The following GPR161 variants were observed in gnomAD, a reference collection of about 807,000 sequenced individuals.
GPR161 encodes the protein G-protein coupled receptor RE2.
GPR161 carries 25 observed loss-of-function variants against 39.2 expected under a neutral mutation model. The observed-to-expected ratio is 0.64, with a 90% CI of 0.47 to 0.89. The LOEUF is 0.89. Among genes scored for constraint, GPR161 ranks in the 40% least tolerant of loss-of-function variants. The pLI is 0.00. For synonymous variants in GPR161, 286 were observed against 276.6 expected (o/e 1.03, Z -0.34); for missense variants, 547 against 677.8 (o/e 0.81, Z 2.14).
At position 168,096,636 on chromosome 1, in the gene GPR161, T is replaced by C. The variant is rs1695570881; in HGVS notation, c.971A>G (p.Tyr324Cys). The C allele has an allele frequency of 6.2e-7, 1 of 1,614,124 alleles. No homozygotes were observed. Among genetic ancestry groups the C allele is most frequent in the Non-Finnish European group, 8.5e-7 (1 of 1,180,016 alleles). ...FASAVCHPLIYGLWNKTVRKE... is the reference protein window; with the variant it reads ...FASAVCHPLICGLWNKTVRKE... ...GCGAACTGTCTTGTTCCAGAGTCCATAGATCAGGGGGTGGCAGACAGCGCT... is the reference window on the plus strand; with the variant it reads ...GCGAACTGTCTTGTTCCAGAGTCCACAGATCAGGGGGTGGCAGACAGCGCT... The change falls in exon 3 of 6, where the codon TAT becomes TGT. Residue 324 changes from tyrosine to cysteine, a missense_variant. Transcript: ENST00000682931.
chr1:168,085,633 C>A lies in GPR161; in HGVS notation c.1488G>T (p.Gly496=). ...GVLVTARTVP[G]GGFGGRRGSR... is the part of the protein sequence containing the mutation. ...TGCCTCGGCGGCCCCCGAAGCCGCC[C>A]CCCGGGACAGTCCGTGCTGTAACCA... Residue 496 remains glycine, a synonymous_variant, in exon 6 of 6, where the codon GGG becomes GGT. Transcript: ENST00000682931. The A allele has an allele frequency of 3.1e-6, 5 of 1,614,110 alleles. No homozygotes were observed. Among genetic ancestry groups the A allele is most frequent in the Non-Finnish European group, 4.2e-6 (5 of 1,179,988 alleles).
chr1:168,097,441 C>A (rs1366844766), intron 2 of GPR161, among the ~76,000 whole-genome samples: 1 of 152,136 alleles, frequency 6.6e-6, no homozygotes, highest in Admixed American at 6.6e-5. Flanking sequence ...ACTGGCAAGA[C>A]ACAGAGCTCG....
chr1:168,092,195 A>G (rs1695130391), intron 3 of GPR161, among the ~76,000 whole-genome samples: 1 of 152,162 alleles, frequency 6.6e-6, no homozygotes, highest in Admixed American at 6.5e-5. Flanking sequence ...GCACATGCCC[A>G]TCCTCCCAAG....
At chr1:168,119,993 G>A (rs550257453) in intron 1 of GPR161, among the ~76,000 whole-genome samples, 1 of 152,330 alleles carries the variant, frequency 6.6e-6, no homozygotes, top group East Asian at 1.9e-4. Flanking sequence ...CAGTGCAGAA[G>A]GGAAATGTGG....
At chr1:168,137,223 C>T, upstream of GPR161, 1 of 1,471,052 alleles carries the variant, frequency 6.8e-7, no homozygotes, top group South Asian at 1.4e-5. Flanking sequence ...CTCAGGCCTT[C>T]CCTGTTCCCG....
At chr1:168,096,400 C>T in intron 3 of GPR161, 108 bp downstream of exon 3, 2 of 1,135,272 alleles carry the variant, frequency 1.8e-6, no homozygotes, top group Non-Finnish European at 2.5e-6. Flanking sequence ...TGCTTTGAGC[C>T]TTACCGCCAG....
chr1:168,108,027 A>C (rs575908907), intron 1 of GPR161, among the ~76,000 whole-genome samples: 2 of 152,346 alleles, frequency 1.3e-5, no homozygotes, highest in South Asian at 4.1e-4. Context: ...ATGTTTATTT[A>C]GCTCATGGTT....
rs1327692306 is a variant in GPR161, at chr1:168,085,776, G to GA, written c.1344dup (p.Leu449SerfsTer6). On this transcript the variant is annotated frameshift_variant, in exon 6 of 6. Coordinates refer to ENST00000682931, the MANE Select transcript of GPR161 (RefSeq NM_001375883.1). LOFTEE classifies it high-confidence loss of function. ...TTGTGTACTTCAGCTTTCACATGAA[G>GA]AATCGAGTTCTTGGCAGCTTCTGAG... 1 of 1,612,720 alleles carries GA rather than the reference G, an allele frequency of 6.2e-7. No homozygotes were observed. Among genetic ancestry groups the GA allele is most frequent in the African/African-American group, 1.3e-5 (1 of 74,912 alleles).
At chr1:168,132,519 T>C (rs1441578344) in intron 1 of GPR161, among the ~76,000 whole-genome samples, 3 of 147,754 alleles carry the variant, frequency 2.0e-5, no homozygotes, top group East Asian at 4.0e-4. Context: ...ACCCGGAAGA[T>C]GGAGCTTGCA....
chr1:168,137,399 A>T, upstream of GPR161: 1 of 1,535,376 alleles, frequency 6.5e-7, no homozygotes, highest in Non-Finnish European at 8.7e-7. Flanking sequence ...CCTTTCATTC[A>T]TCCAGCCGAC....
At position 168,104,058 on chromosome 1, in the gene GPR161, G is replaced by A. The variant is rs568339213; in HGVS notation, c.374+419C>T. Among the ~76,000 whole-genome samples the A allele has an allele frequency of 7.2e-5, 11 of 152,254 alleles. No homozygotes were observed. The South Asian group carries it at 2.1e-3, about 29-fold the overall frequency. On this transcript the variant is annotated intron_variant, in intron 2 of 5. Transcript: ENST00000682931. ...CTCTCCTTTCAGTCCTGGACTGTGG[G>A]CAGTGAGGGTGTTCCCTGTTCGGGC...
chr1:168,088,468 T>C (rs1158874805), intron 4 of GPR161: 1 of 152,360 alleles, frequency 6.6e-6, no homozygotes, highest in South Asian at 2.1e-4. Context: ...TCAGAGCACC[T>C]CGCAGAGGTG....
At chr1:168,109,011 G>T (rs1696892017) in intron 1 of GPR161, among the ~76,000 whole-genome samples, 1 of 152,170 alleles carries the variant, frequency 6.6e-6, no homozygotes, top group Non-Finnish European at 1.5e-5. Flanking sequence ...TTGGTGATTG[G>T]ACGTATCAGT....
At chr1:168,101,547 C>T (rs1696105070) in intron 2 of GPR161, among the ~76,000 whole-genome samples, 2 of 152,170 alleles carry the variant, frequency 1.3e-5, no homozygotes, top group Admixed American at 6.5e-5. Flanking sequence ...AATGACAAAG[C>T]GTCCAGGCTC....
intron 2 of GPR161, among the ~76,000 whole-genome samples, chr1:168,103,008 T>C (rs1189706086): frequency 6.6e-6 from 1 of 152,226 alleles, no homozygotes; most frequent in African/African-American, 2.4e-5. Flanking sequence ...TTGCCTTTTA[T>C]ATATCAAGAA....
rs141419481 is a variant in GPR161, at chr1:168,112,632, G to A, written c.-44-7738C>T. On this transcript the variant is annotated intron_variant, in intron 1 of 5. Transcript: ENST00000682931. ...CAGCACTTTGTGGGCCGAGGTGGGC[G>A]GATCACTTGAGGTCAGGAGTTCGGG... 2.5e-3 allele frequency among the ~76,000 whole-genome samples: 385 copies of A among 152,074 alleles called. 1 individual carries two copies. Among genetic ancestry groups the A allele is most frequent in the African/African-American group, 8.8e-3 (366 of 41,492 alleles).
chr1:168,087,989 C>T (rs1279844868), intron 4 of GPR161: 4 of 302,500 alleles, frequency 1.3e-5, no homozygotes, highest in African/African-American at 6.6e-5. Context: ...AGAAGCATGG[C>T]ATCTGCCGGC....
At position 168,136,876 on chromosome 1, in the gene GPR161, G is replaced by T. The variant is rs1043959804; in HGVS notation, c.-182C>A. On this transcript the variant is annotated 5_prime_UTR_variant, in exon 1 of 6. Coordinates refer to ENST00000682931, the MANE Select transcript of GPR161 (RefSeq NM_001375883.1). ...GTTTCAGCCCACCGAGCCCCGCTTCGCTCCTCCCGCGGGCCAGCCACCAGC... is the reference window on the plus strand; with the variant it reads ...GTTTCAGCCCACCGAGCCCCGCTTCTCTCCTCCCGCGGGCCAGCCACCAGC... 6 of 981,036 alleles carry T rather than the reference G, an allele frequency of 6.1e-6. No homozygotes were observed. Among genetic ancestry groups the T allele is most frequent in the Non-Finnish European group, 7.2e-6 (6 of 828,386 alleles). The allele number at this position is 981,036 out of a possible 1,614,324, so 60.8% of individuals were successfully genotyped here. A position where few individuals can be genotyped will look rare whatever the true frequency, so the allele number is the denominator to read the frequency against.
In GPR161 at chr1:168,087,932, C is replaced by G. The variant is rs948571167; in HGVS notation, c.1205-228G>C. 8.7e-6 allele frequency: 4 copies of G among 457,814 alleles called. No individual in the cohort carries two copies. The East Asian group carries it at 1.6e-4, about 19-fold the overall frequency. 28.4% of individuals were successfully genotyped at this position (457,814 alleles called of 1,614,324 possible). A position where few individuals can be genotyped will look rare whatever the true frequency, so the allele number is the denominator to read the frequency against. On this transcript the variant is annotated intron_variant, in intron 4 of 5. Coordinates refer to ENST00000682931, the MANE Select transcript of GPR161 (RefSeq NM_001375883.1). ...TGCGTCAGCCACACAAAAAATGCAG[C>G]CAAGTTATCTGAAGTAGGGGGTTAT... is the stretch of plus-strand genomic sequence containing the variant.
Sources: allele counts gnomAD v4.1 joint callset (sites outside exome capture counted in the v4.1 genomes callset), GRCh38; gene constraint gnomAD v4.1.1; transcripts MANE v1.5; gene names NCBI Gene and HGNC (gene_info 2026-07-23, HGNC 2026-07-21).